DLG5: variants seen among roughly 807,000 people sequenced by gnomAD.
DLG5 encodes the protein discs large MAGUK scaffold protein 5.
In DLG5, 48 loss-of-function variants were observed where a neutral mutation model predicts 189.8. The observed-to-expected ratio is 0.25, with a 90% CI of 0.20 to 0.32. The LOEUF (loss-of-function observed/expected upper bound fraction) is 0.32, where lower values mean the gene tolerates loss of function less well. DLG5 is among the 10% of genes least tolerant of loss of function. The pLI is 1.00. For synonymous variants in DLG5, 1,016 were observed against 1,054.1 expected (o/e 0.96, Z 0.70); for missense variants, 2,160 against 2,544.7 (o/e 0.85, Z 3.25).
upstream of DLG5, among the ~76,000 whole-genome samples, chr10:77,930,744 C>T (rs1846779030): frequency 6.7e-6 from 1 of 150,154 alleles, no homozygotes; most frequent in South Asian, 2.1e-4. Flanking sequence ...GCCTCCTAGG[C>T]TCAAGTGATT....
At chr10:77,938,219 T>C in the DLG5 span, among the ~76,000 whole-genome samples, 3 of 151,980 alleles carry the variant, frequency 2.0e-5, no homozygotes, top group Non-Finnish European at 2.9e-5. Context: ...CAAGGAAGGA[T>C]GATCACTTGA....
At chr10:77,806,254 T>G in intron 26 of DLG5, 1 of 249,144 alleles carries the variant, frequency 4.0e-6, no homozygotes. Flanking sequence ...AAGGCCACAC[T>G]ATGCAATCCC....
chr10:77,795,214 C>T (rs1840848367), intron 29 of DLG5, among the ~76,000 whole-genome samples: 1 of 152,230 alleles, frequency 6.6e-6, no homozygotes, highest in Non-Finnish European at 1.5e-5. Context: ...ACTTCCTTTC[C>T]CGCCTTTGCC....
At chr10:77,810,163 T>C (rs1180090207) in intron 23 of DLG5, among the ~76,000 whole-genome samples, 2 of 152,228 alleles carry the variant, frequency 1.3e-5, no homozygotes, top group Non-Finnish European at 2.9e-5. Flanking sequence ...GACCAGCAAC[T>C]GCTAACTTGT....
At chr10:77,895,789 C>T (rs1845740823) in intron 1 of DLG5, among the ~76,000 whole-genome samples, 1 of 152,254 alleles carries the variant, frequency 6.6e-6, no homozygotes, top group East Asian at 1.9e-4. Context: ...GCAGGCGGAT[C>T]ACTTGAGGTC....
chr10:77,905,081 A>G (rs1392832353), intron 1 of DLG5, among the ~76,000 whole-genome samples: 3 of 150,200 alleles, frequency 2.0e-5, no homozygotes, highest in Non-Finnish European at 4.4e-5. Flanking sequence ...GTGAGCCGAG[A>G]TCGCGCCACT....
intron 1 of DLG5, among the ~76,000 whole-genome samples, chr10:77,883,691 C>CTTTTTTTTTTTTTT: frequency 1.0e-5 from 1 of 96,460 alleles, no homozygotes; most frequent in Non-Finnish European, 2.0e-5. Flanking sequence ...TAACATTGTT[C>CTTTTTTTTTTTTTT]TTTTTTTTTT....
At chr10:77,897,262 G>A (rs1275251332) in intron 1 of DLG5, among the ~76,000 whole-genome samples, 1 of 151,818 alleles carries the variant, frequency 6.6e-6, no homozygotes, top group Admixed American at 6.6e-5. Context: ...AGGCTGAGGC[G>A]GGAGAATAGC....
rs546127239 is a variant in DLG5, at chr10:77,845,104, A to C, written c.865-1398T>G. The C allele has an allele frequency of 2.0e-5, 3 of 152,384 alleles. No homozygotes were observed. The South Asian group carries it at 6.2e-4, about 32-fold the overall frequency. 9.4% of individuals were successfully genotyped at this position (152,384 alleles called of 1,614,324 possible). ...TTTAAGCTAGACAGCATTCTACTCT[A>C]AATGACAGGCACTAAAGTTCATTTG... On this transcript the variant is annotated intron_variant, in intron 5 of 31. Transcript: ENST00000372391.
intron 1 of DLG5, among the ~76,000 whole-genome samples, chr10:77,877,705 GC>G (rs1845143753): frequency 1.3e-5 from 2 of 152,162 alleles, no homozygotes; most frequent in African/African-American, 4.8e-5. Context: ...AGACAGTTCT[GC>G]ACCTAAAAGG....
intron 7 of DLG5, among the ~76,000 whole-genome samples, chr10:77,839,728 T>C (rs1843327887): frequency 6.6e-6 from 1 of 152,240 alleles, no homozygotes; most frequent in African/African-American, 2.4e-5. Flanking sequence ...TCACGGTTTT[T>C]CTAGGATGAT....
At chr10:77,910,840 C>T (rs919074215) in intron 1 of DLG5, among the ~76,000 whole-genome samples, 1 of 152,048 alleles carries the variant, frequency 6.6e-6, no homozygotes, top group African/African-American at 2.4e-5. Flanking sequence ...GGTGTGATGG[C>T]ACACGCCTGT....
chr10:77,909,847 C>T (rs190137234), intron 1 of DLG5, among the ~76,000 whole-genome samples: 43 of 152,240 alleles, frequency 2.8e-4, no homozygotes, highest in African/African-American at 1.0e-3. Context: ...GATTGGCTAT[C>T]AGGGTGGGTC....
intron 5 of DLG5, among the ~76,000 whole-genome samples, chr10:77,845,843 T>C (rs1219108147): frequency 6.6e-6 from 1 of 151,534 alleles, no homozygotes; most frequent in Admixed American, 6.6e-5. Context: ...TTCACTGTTT[T>C]GTAAAATGGC....
chr10:77,936,083 C>T, the DLG5 span, among the ~76,000 whole-genome samples: 1 of 152,166 alleles, frequency 6.6e-6, no homozygotes, highest in Non-Finnish European at 1.5e-5. Flanking sequence ...AGACATTTTT[C>T]TTCCAGACTG....
In DLG5 at chr10:77,807,648, A is replaced by C. The variant is rs1304128057; in HGVS notation, c.4796+148T>G. ...AAGTCACAATCATCTCAACATAAAT[A>C]AGCGTGCAGATTGAGTGTCAAGGAA... is the stretch of plus-strand genomic sequence containing the variant. On this transcript the variant is annotated intron_variant, in intron 25 of 31. Coordinates refer to ENST00000372391, the MANE Select transcript of DLG5 (RefSeq NM_004747.4). 20 of 928,358 alleles carry C rather than the reference A, an allele frequency of 2.2e-5. No homozygotes were observed. In the Admixed American group the frequency reaches 3.6e-4, roughly 17 times the overall value. The allele number at this position is 928,358 out of a possible 1,614,324, so 57.5% of individuals were successfully genotyped here.
At chr10:77,933,821 C>G in the DLG5 span, among the ~76,000 whole-genome samples, 1 of 152,142 alleles carries the variant, frequency 6.6e-6, no homozygotes, top group Non-Finnish European at 1.5e-5. Context: ...GTCCCTGGAA[C>G]CTGTGAAGAT....
At chr10:77,850,445 G>C (rs144377992) in intron 5 of DLG5, among the ~76,000 whole-genome samples, 1 of 152,180 alleles carries the variant, frequency 6.6e-6, no homozygotes, top group South Asian at 2.1e-4. Flanking sequence ...TCCATTCATC[G>C]GTCAGTAGAC....
intron 13 of DLG5, among the ~76,000 whole-genome samples, chr10:77,827,114 G>T (rs529875460): frequency 6.6e-6 from 1 of 152,196 alleles, no homozygotes; most frequent in Admixed American, 6.5e-5. Flanking sequence ...ATCGGGGTGG[G>T]AAGCAGTACA....
Sources: gnomAD v4.1 joint callset for allele counts (sites outside exome capture counted in the v4.1 genomes callset) on GRCh38, gnomAD v4.1.1 for gene constraint, MANE v1.5 for transcripts, NCBI Gene and HGNC (gene_info 2026-07-23, HGNC 2026-07-21) for gene names.